Variants in GREB1 observed in about 807,000 individuals in gnomAD.
GREB1 encodes growth regulating estrogen receptor binding 1.
Under a neutral mutation model 200.7 loss-of-function variants are expected in GREB1, and 106 were observed. The observed-to-expected ratio is 0.53, with a 90% confidence interval of 0.45 to 0.62. The LOEUF (loss-of-function observed/expected upper bound fraction) is 0.62, where lower values mean the gene tolerates loss of function less well. Ranked by LOEUF, GREB1 falls within the 20% of genes least tolerant of loss-of-function variation. The pLI is 0.00. For missense variants in GREB1, 2,243 were observed against 2,556.8 expected, an observed-to-expected ratio of 0.88 and a Z score of 2.65; for synonymous variants, 1,132 against 1,092.4, an observed-to-expected ratio of 1.04 and a Z score of -0.72.
rs762834815 is a variant in GREB1 at position 11,618,479 on chromosome 2, T to C, written c.3604T>C (p.Cys1202Arg). The C allele has an allele frequency of 1.2e-6, 2 of 1,609,238 alleles. No homozygotes were observed. Among genetic ancestry groups the C allele is most frequent in the East Asian group, 2.2e-5 (1 of 44,734 alleles). ...TCCCGGGCCGACGCCCCAGCCCGAC[T>C]GTAGCCTCAGGACCGGCCAGAGGAG... is the stretch of plus-strand genomic sequence containing the variant. Reference protein sequence around the residue: ...HSPGPTPQPDCSLRTGQRSVQ... With the variant: ...HSPGPTPQPDRSLRTGQRSVQ... Residue 1202 changes from cysteine (C) to arginine (R), a missense_variant, in exon 22 of 33, where the codon TGT becomes CGT. Physicochemically the swap from Cys to Arg is radical, Grantham distance 180 (BLOSUM62 -3). Around this residue, in one of 3 missense-constraint regions of GREB1, gnomAD observed 587 missense variants for 553.1 expected, o/e 1.06. Coordinates refer to ENST00000381486, the MANE Select transcript of GREB1 (RefSeq NM_014668.4).
At chr2:11,491,569 AG>A (rs1672774110) in intron 1 of GREB1, among the ~76,000 whole-genome samples, 2 of 152,250 alleles carry the variant, frequency 1.3e-5, no homozygotes, top group South Asian at 4.1e-4. Flanking sequence ...TTTTGTCTCT[AG>A]CTGAGACTTG....
Position 11,597,836 on chromosome 2 carries a change from G to A in GREB1, c.2010G>A (p.Lys670=), listed in dbSNP as rs1681411088. The change falls in exon 14 of 33, where the codon AAG becomes AAA. Residue 670 remains lysine (K), a synonymous_variant. Transcript: ENST00000381486. The surrounding 1 kb of genome is among the most constrained non-coding windows in gnomAD (Gnocchi z 4.1). ...IRPFQLAVAQ[K]LLSHVCSIAD... The stretch of plus-strand genomic sequence containing the variant: ...CCTTCCAGCTGGCAGTAGCGCAGAA[G>A]CTCCTCTCCCATGTGTGTTCCATTG... 8 of 1,614,094 alleles carry A rather than the reference G, an allele frequency of 5.0e-6. No homozygotes were observed. The highest frequency in any genetic ancestry group is 3.3e-5 in the Admixed American group (2 of 60,006).
At chr2:11,635,497 T>C (rs1213154090) in intron 30 of GREB1, 92 bp downstream of exon 30, 6 of 1,446,652 alleles carry the variant, frequency 4.1e-6, no homozygotes, top group Non-Finnish European at 5.6e-6. Flanking sequence ...AGGGAGGCCA[T>C]GTCTCTTTCA....
chr2:11,559,722 G>A (rs1436559145), intron 2 of GREB1, among the ~76,000 whole-genome samples: 5 of 152,180 alleles, frequency 3.3e-5, no homozygotes, highest in Admixed American at 6.5e-5. Flanking sequence ...CCTTGCTGGC[G>A]CCTGGGGTCT....
intron 15 of GREB1, 111 bp downstream of exon 15, chr2:11,598,971 G>T: frequency 2.2e-6 from 2 of 925,252 alleles, no homozygotes; most frequent in Non-Finnish European, 1.7e-6. Flanking sequence ...ATGATGTTTG[G>T]GCTTGGTGTT....
chr2:11,596,558 C>T (rs1408459940), intron 13 of GREB1, among the ~76,000 whole-genome samples: 1 of 43,068 alleles, frequency 2.3e-5, no homozygotes, highest in Non-Finnish European at 3.9e-5. Flanking sequence ...CAGGTGTGCA[C>T]AGTGAGAAGG....
At chr2:11,591,270 G>A in intron 10 of GREB1, 1 of 664,912 alleles carries the variant, frequency 1.5e-6, no homozygotes, top group Non-Finnish European at 2.8e-6. Context: ...CACAGAGCAG[G>A]TGTCATGAAC....
intron 1 of GREB1, among the ~76,000 whole-genome samples, chr2:11,527,048 A>G (rs1673901565): frequency 6.6e-6 from 1 of 152,144 alleles, no homozygotes; most frequent in Non-Finnish European, 1.5e-5. Context: ...CCATCCTTCC[A>G]CTACAGTTAT....
intron 19 of GREB1, among the ~76,000 whole-genome samples, chr2:11,613,877 T>C (rs1050743805): frequency 1.3e-5 from 2 of 152,156 alleles, no homozygotes; most frequent in Non-Finnish European, 2.9e-5. Context: ...TCATGAGCAG[T>C]AAGTTTCAGA....
chr2:11,503,847 T>G (rs116494704), intron 1 of GREB1, among the ~76,000 whole-genome samples: 1,079 of 7,718 alleles, frequency 0.14, 7 homozygotes, highest in Middle Eastern at 0.23. Flanking sequence ...ATATTCAGCA[T>G]TCCAGTAATT....
Position 11,609,242 on chromosome 2 carries a change from TTTTATTTA to T in GREB1, c.2667-1413_2667-1406del, listed in dbSNP as rs60473726. ...CTTTCTTTCTTCCTGGGCATTATTA[TTTTATTTA>T]TTTATTTATTTATTTATTTATTTAT... On this transcript the variant is annotated intron_variant, in intron 17 of 32. Transcript: ENST00000381486. Among the ~76,000 whole-genome samples the T allele has an allele frequency of 6.0e-3, 823 of 136,914 alleles. 4 individuals carry two copies. The highest frequency in any genetic ancestry group is 9.4e-3 in the Non-Finnish European group (602 of 64,342). The allele number at this position is 136,914 out of a possible 152,430, so 89.8% of individuals were successfully genotyped here.
Position 11,600,864 on chromosome 2 carries a change from A to C in GREB1, c.2398A>C (p.Asn800His), listed in dbSNP as rs1396720899. ...PSVGLVDRLL[N>H]CREVKEAPNI... ...GGTGGGATTGGTGGACCGATTGCTC[A>C]ACTGCAGGGAGGTGAAGGAGGCCCC... The change falls in exon 16 of 33, where the codon AAC (asparagine) becomes CAC (histidine). Residue 800 changes from asparagine (N) to histidine (H), a missense_variant. Around this residue, in one of 3 missense-constraint regions of GREB1, gnomAD observed 1,178 missense variants for 1,387.4 expected, o/e 0.85. Transcript: ENST00000381486. The C allele has an allele frequency of 6.2e-7, 1 of 1,614,020 alleles. No homozygotes were observed. The highest frequency in any genetic ancestry group is 1.7e-5 in the Admixed American group (1 of 59,998).
chr2:11,580,982 C>CA lies in GREB1; in HGVS notation c.901+150_901+151insA. ...AGTCAGGCCAGGACCACAGGTGCCTCCTGAGTCCGTGGGTCTGGGCCCAGG... is the reference window on the plus strand; with the variant it reads ...AGTCAGGCCAGGACCACAGGTGCCTCACTGAGTCCGTGGGTCTGGGCCCAGG... On this transcript the variant is annotated intron_variant, in intron 7 of 32. Transcript: ENST00000381486. This position sits in a 1 kb window ranked among gnomAD's most constrained non-coding sequence, Gnocchi z 4.5. 1 of 954,218 alleles carries CA rather than the reference C, an allele frequency of 1.0e-6. No homozygotes were observed. Among genetic ancestry groups the CA allele is most frequent in the Non-Finnish European group, 1.7e-6 (1 of 600,160 alleles). The allele number at this position is 954,218 out of a possible 1,614,324, so 59.1% of individuals were successfully genotyped here. A position where few individuals can be genotyped will look rare whatever the true frequency, so the allele number is the denominator to read the frequency against.
intron 1 of GREB1, among the ~76,000 whole-genome samples, chr2:11,497,594 T>G (rs1672921361): frequency 6.6e-6 from 1 of 151,870 alleles, no homozygotes; most frequent in Non-Finnish European, 1.5e-5. Context: ...CCACCAGCAA[T>G]GTGTGAGGAT....
At chr2:11,550,175 C>A (rs1299063766) in intron 1 of GREB1, among the ~76,000 whole-genome samples, 2 of 152,168 alleles carry the variant, frequency 1.3e-5, no homozygotes, top group Non-Finnish European at 2.9e-5. Context: ...CGAGATTGTG[C>A]CATTGCACTC....
At chr2:11,599,092 G>A (rs1291589355) in intron 15 of GREB1, among the ~76,000 whole-genome samples, 1 of 152,196 alleles carries the variant, frequency 6.6e-6, no homozygotes, top group Non-Finnish European at 1.5e-5. Context: ...GGCTGGAGAA[G>A]GGAAGCGTGT....
At chr2:11,524,657 G>A (rs190039263) in intron 1 of GREB1, among the ~76,000 whole-genome samples, 299 of 152,194 alleles carry the variant, frequency 2.0e-3, no homozygotes, top group Middle Eastern at 0.01. Context: ...TTGTTCTTTC[G>A]TTACTTTTCA....
At chr2:11,524,047 ACACT>A (rs1673790321) in intron 1 of GREB1, among the ~76,000 whole-genome samples, 1 of 137,918 alleles carries the variant, frequency 7.3e-6, no homozygotes, top group Non-Finnish European at 1.5e-5. Flanking sequence ...ACGTGCATGC[ACACT>A]CACACACACA....
chr2:11,631,812 T>A (rs914335317), intron 26 of GREB1, 97 bp from the exon 27 acceptor site: 3 of 915,672 alleles, frequency 3.3e-6, no homozygotes, highest in Non-Finnish European at 3.5e-6. Flanking sequence ...GGCATGGTCA[T>A]CATTCTTTGA....
Sources: allele counts gnomAD v4.1 joint callset (sites outside exome capture counted in the v4.1 genomes callset), GRCh38; gene constraint gnomAD v4.1.1; regional missense constraint gnomAD v4.1.1; non-coding constraint Gnocchi (gnomAD v3.1); transcripts MANE v1.5; gene names NCBI Gene and HGNC (gene_info 2026-07-23, HGNC 2026-07-21).